The following RGMB variants were observed in gnomAD, a reference collection of about 807,000 sequenced individuals.
RGMB encodes the protein repulsive guidance molecule B.
RGMB carries 16 observed loss-of-function variants against 26.9 expected under a neutral mutation model. That is an observed-to-expected ratio of 0.60 (90% CI 0.40 to 0.90). RGMB has a LOEUF of 0.90. Ranked by LOEUF, RGMB falls within the 40% of genes least tolerant of loss-of-function variation. The probability of loss-of-function intolerance (pLI) is 0.00; values close to 1 mark genes in which losing one functional copy is unlikely to be tolerated. For synonymous variants in RGMB, 225 were observed against 229.3 expected (o/e 0.98, Z 0.17); for missense variants, 512 against 573.3 (o/e 0.89, Z 1.09).
chr5:98,776,419 A>G (rs547648364), intron 1 of RGMB, among the ~76,000 whole-genome samples: 1 of 152,258 alleles, frequency 6.6e-6, no homozygotes, highest in Admixed American at 6.5e-5. Context: ...GAGATCCAAT[A>G]TGGGAGTTAC....
At chr5:98,770,387 A>G, upstream of RGMB, 1 of 393,396 alleles carries the variant, frequency 2.5e-6, no homozygotes, top group Non-Finnish European at 4.5e-6. Context: ...ATAAATGGAC[A>G]GGAAGCGCAT....
chr5:98,784,354 A>G (rs1746705122), intron 2 of RGMB, among the ~76,000 whole-genome samples: 1 of 152,178 alleles, frequency 6.6e-6, no homozygotes, highest in African/African-American at 2.4e-5. Context: ...AATTCTTGAA[A>G]ATTTCCGCTG....
chr5:98,790,708 A>G (rs773608664), intron 2 of RGMB, among the ~76,000 whole-genome samples: 2 of 152,220 alleles, frequency 1.3e-5, no homozygotes, highest in Non-Finnish European at 2.9e-5. Context: ...ACACAAGTAA[A>G]TCCTCTTTGT....
upstream of RGMB, among the ~76,000 whole-genome samples, chr5:98,772,460 T>C (rs1322297156): frequency 6.6e-6 from 1 of 152,186 alleles, no homozygotes; most frequent in Non-Finnish European, 1.5e-5. Context: ...TAATTAGAGA[T>C]TCTGAGTAAC....
rs1444283358 is a variant in RGMB, at chr5:98,773,826, C to G, written c.-245C>G. 2 of 465,850 alleles carry G rather than the reference C, an allele frequency of 4.3e-6. No homozygotes were observed. Among genetic ancestry groups the G allele is most frequent in the East Asian group, 7.4e-5 (2 of 26,998 alleles). 28.9% of individuals were successfully genotyped at this position (465,850 alleles called of 1,614,324 possible). ...TTGTGTCTTCTCTTCCGCCCCTTTC[C>G]CTGCCTGCCGCCTCCGGCCGCCACG... On this transcript the variant is annotated 5_prime_UTR_variant, in exon 1 of 3. Coordinates refer to ENST00000513185, the MANE Select transcript of RGMB (RefSeq NM_001366508.1).
intron 2 of RGMB, among the ~76,000 whole-genome samples, chr5:98,786,550 T>C (rs1746771521): frequency 6.6e-6 from 1 of 152,218 alleles, no homozygotes. Context: ...CAGTTTCTGC[T>C]CGTGTGGAAT....
chr5:98,782,092 C>A (rs913142026), intron 2 of RGMB, among the ~76,000 whole-genome samples: 1 of 152,216 alleles, frequency 6.6e-6, no homozygotes, highest in Non-Finnish European at 1.5e-5. Flanking sequence ...TTTCCCACAT[C>A]TGGTGACCAT....
Position 98,774,175 on chromosome 5 carries a change from G to C in RGMB, c.105G>C (p.Leu35=), listed in dbSNP as rs1184458340. Residue 35 remains leucine (L), a synonymous_variant, in exon 1 of 3, where the codon CTG becomes CTC. Transcript: ENST00000513185. ...LCPPPLELLL[L]LLFSLGLLHA... is the part of the protein sequence containing the mutation. ...CCCCGCCGCTGGAGCTGCTGCTGCT[G>C]CTGCTGTTCAGCCTCGGGCTGCTCC... is the stretch of plus-strand genomic sequence containing the variant. 6.7e-7 allele frequency: 1 copy of C among 1,499,570 alleles called. No homozygotes were observed. The highest frequency in any genetic ancestry group is 2.1e-5 in the Admixed American group (1 of 47,270). The allele number at this position is 1,499,570 out of a possible 1,614,324, so 92.9% of individuals were successfully genotyped here.
At chr5:98,790,488 G>T (rs1412656663) in intron 2 of RGMB, among the ~76,000 whole-genome samples, 1 of 152,202 alleles carries the variant, frequency 6.6e-6, no homozygotes, top group Non-Finnish European at 1.5e-5. Context: ...AGATAGGTAG[G>T]AGTTATTGTT....
intron 2 of RGMB, among the ~76,000 whole-genome samples, chr5:98,789,026 A>T (rs531542184): frequency 2.6e-5 from 4 of 152,358 alleles, no homozygotes; most frequent in African/African-American, 9.6e-5. Flanking sequence ...CATTGCACCC[A>T]GATGATATGG....
chr5:98,773,944 G>T lies in RGMB; in HGVS notation c.-127G>T. On this transcript the variant is annotated 5_prime_UTR_variant, in exon 1 of 3. Coordinates refer to ENST00000513185, the MANE Select transcript of RGMB (RefSeq NM_001366508.1). ...GTGGTGGCGCCCCATCTGCTACACGGGCCTGAAGAAGGAAGAAGAGGAAGC... is the reference window on the plus strand; with the variant it reads ...GTGGTGGCGCCCCATCTGCTACACGTGCCTGAAGAAGGAAGAAGAGGAAGC... The T allele has an allele frequency of 1.6e-6, 1 of 616,204 alleles. No homozygotes were observed. 38.2% of individuals were successfully genotyped at this position (616,204 alleles called of 1,614,324 possible).
At position 98,780,113 on chromosome 5, in the gene RGMB, C is replaced by A. The variant is rs775707607; in HGVS notation, c.645+25C>A. On this transcript the variant is annotated intron_variant, in intron 2 of 2. Coordinates refer to ENST00000513185, the MANE Select transcript of RGMB (RefSeq NM_001366508.1). ...GGCAAGTATACCTTCTTTTTTCCCT[C>A]TCCCTACTCAACTTTCAAAAGATGT... 3.2e-6 allele frequency: 5 copies of A among 1,583,320 alleles called. No individual in the cohort carries two copies. In the Admixed American group the frequency reaches 5.2e-5, roughly 17 times the overall value.
chr5:98,787,643 A>G (rs2617515), intron 2 of RGMB, among the ~76,000 whole-genome samples: 17,029 of 152,302 alleles, frequency 0.11, 1,145 homozygotes, highest in Middle Eastern at 0.21. Flanking sequence ...CACAACAGAC[A>G]AGCTAAGGGA....
intron 2 of RGMB, among the ~76,000 whole-genome samples, chr5:98,788,445 A>G (rs1746827132): frequency 6.6e-6 from 1 of 152,206 alleles, no homozygotes; most frequent in Non-Finnish European, 1.5e-5. Flanking sequence ...ATTATCAATG[A>G]CATCAAGTAT....
chr5:98,787,084 T>C (rs1746786788), intron 2 of RGMB, among the ~76,000 whole-genome samples: 1 of 152,240 alleles, frequency 6.6e-6, no homozygotes, highest in Non-Finnish European at 1.5e-5. Flanking sequence ...CATGTGCTTT[T>C]ACATGGTATC....
Position 98,793,697 on chromosome 5 carries a change from A to C in RGMB, c.1258A>C (p.Ser420Arg). The C allele has an allele frequency of 6.2e-7, 1 of 1,610,776 alleles. No homozygotes were observed. Among genetic ancestry groups the C allele is most frequent in the Non-Finnish European group, 8.5e-7 (1 of 1,178,410 alleles). The change falls in exon 3 of 3, where the codon AGT (serine) becomes CGT (arginine). Residue 420 changes from serine (S) to arginine (R), a missense_variant. By Grantham distance (110) the Ser-to-Arg change is moderately radical. Transcript: ENST00000513185. ...TGGCAATGGGACTCCCCGTGGAGGC[A>C]GTGATTTGTCTGTCAGTCTAGGACT... ...SSGNGTPRGGSDLSVSLGLTC... is the reference protein window; with the variant it reads ...SSGNGTPRGGRDLSVSLGLTC...
chr5:98,774,159 T>TGGA lies in RGMB; in HGVS notation c.91_93dup (p.Glu31dup). The TGGA allele has an allele frequency of 6.7e-7, 1 of 1,500,102 alleles. No homozygotes were observed. Among genetic ancestry groups the TGGA allele is most frequent in the Non-Finnish European group, 8.8e-7 (1 of 1,131,530 alleles). The allele number at this position is 1,500,102 out of a possible 1,614,324, so 92.9% of individuals were successfully genotyped here. A position where few individuals can be genotyped will look rare whatever the true frequency, so the allele number is the denominator to read the frequency against. On this transcript the variant is annotated inframe_insertion, in exon 1 of 3. Transcript: ENST00000513185. The stretch of plus-strand genomic sequence containing the variant: ...AGCCCCGGGCTCTGCCCCCCGCCGC[T>TGGA]GGAGCTGCTGCTGCTGCTGCTGTTC...
intron 1 of RGMB, among the ~76,000 whole-genome samples, chr5:98,776,382 T>A (rs1168099864): frequency 1.3e-5 from 2 of 152,204 alleles, no homozygotes; most frequent in African/African-American, 2.4e-5. Context: ...TTATTTTTTT[T>A]AAGCAAACCT....
intron 2 of RGMB, among the ~76,000 whole-genome samples, chr5:98,792,348 A>G (rs1746956306): frequency 6.6e-6 from 1 of 152,228 alleles, no homozygotes. Flanking sequence ...TTTCTGCATA[A>G]TAACTCAGAA....
Sources: allele counts gnomAD v4.1 joint callset (sites outside exome capture counted in the v4.1 genomes callset), GRCh38; gene constraint gnomAD v4.1.1; transcripts MANE v1.5; gene names NCBI Gene and HGNC (gene_info 2026-07-23, HGNC 2026-07-21).